Variants in PCDHA2 observed in about 807,000 individuals in gnomAD.
The protein encoded by PCDHA2 is protocadherin alpha-2.
Under a neutral mutation model 66.0 loss-of-function variants are expected in PCDHA2, and 58 were observed. That is an observed-to-expected ratio of 0.88 (90% confidence interval 0.71 to 1.09). The LOEUF is 1.09. Among genes scored for constraint, PCDHA2 ranks in the 50% least tolerant of loss-of-function variants. The probability of loss-of-function intolerance (pLI) is 0.00; values close to 1 mark genes in which losing one functional copy is unlikely to be tolerated. For missense variants in PCDHA2, 1,267 were observed against 1,242.3 expected (o/e 1.02, Z -0.30); for synonymous variants, 634 against 554.0 (o/e 1.14, Z -2.03).
At chr5:141,009,529 T>G in intron 3 of PCDHA2, 98 bp from the exon 4 acceptor site, 1 of 1,505,630 alleles carries the variant, frequency 6.6e-7, no homozygotes, top group Non-Finnish European at 8.9e-7. Context: ...TCTGGGGAGG[T>G]TCAGCCTGCC....
In PCDHA2 at chr5:140,863,500, T is replaced by C. The variant is rs536977258; in HGVS notation, c.2388+66148T>C. On this transcript the variant is annotated intron_variant, in intron 1 of 3. Coordinates refer to ENST00000526136, the MANE Select transcript of PCDHA2 (RefSeq NM_018905.3). ...CCTCCCAAGGTCAACATTACGGCTT[T>C]TAGTCCTAGTGTTCTCCCATGGTTC... 36 of 432,458 alleles carry C rather than the reference T, an allele frequency of 8.3e-5. 2 individuals are homozygous for C. Among genetic ancestry groups the C allele is most frequent in the South Asian group, 5.0e-4 (28 of 55,804 alleles). 26.8% of individuals were successfully genotyped at this position (432,458 alleles called of 1,614,324 possible).
rs2150409803 is a variant in PCDHA2, at chr5:140,848,387, C to G, written c.2388+51035C>G. The G allele has an allele frequency of 1.0e-3, 1,245 of 1,223,718 alleles. 70 individuals are homozygous for G. In the African/African-American group the frequency reaches 0.017, roughly 16 times the overall value. 75.8% of individuals were successfully genotyped at this position (1,223,718 alleles called of 1,614,324 possible). On this transcript the variant is annotated intron_variant, in intron 1 of 3. Coordinates refer to ENST00000526136, the MANE Select transcript of PCDHA2 (RefSeq NM_018905.3). The stretch of plus-strand genomic sequence containing the variant: ...AAGAGGCTCAATTCTTTTTCACTCT[C>G]TCTGTGCTGAACGATGGCGAACACA...
intron 3 of PCDHA2, among the ~76,000 whole-genome samples, chr5:141,005,934 G>A (rs556608068): frequency 3.4e-4 from 52 of 151,912 alleles, no homozygotes; most frequent in Non-Finnish European, 7.2e-4. Context: ...TTGACAGAGT[G>A]AGAACCTATC....
Position 140,885,793 on chromosome 5 carries a change from A to G in PCDHA2, c.2388+88441A>G, listed in dbSNP as rs541928241. On this transcript the variant is annotated intron_variant, in intron 1 of 3. Coordinates refer to ENST00000526136, the MANE Select transcript of PCDHA2 (RefSeq NM_018905.3). ...TATTAGTGAATTTGAGCATATTGTCATATGTATTTTGTTGATTTGTATTTG... is the reference window on the plus strand; with the variant it reads ...TATTAGTGAATTTGAGCATATTGTCGTATGTATTTTGTTGATTTGTATTTG... Among the ~76,000 whole-genome samples the G allele has an allele frequency of 2.0e-5, 3 of 152,162 alleles. No homozygotes were observed. The South Asian group carries it at 6.2e-4, about 32-fold the overall frequency.
At chr5:140,807,682 C>G (rs782331104) in intron 1 of PCDHA2, 5 of 1,614,224 alleles carry the variant, frequency 3.1e-6, no homozygotes, top group Non-Finnish European at 4.2e-6. Flanking sequence ...TCGGGGAGAA[C>G]GCCCTGCTCA....
intron 1 of PCDHA2, chr5:140,869,562 A>C: frequency 2.5e-6 from 4 of 1,614,168 alleles, no homozygotes. Flanking sequence ...CGCGTTTTCC[A>C]CTAGAGGGAG....
intron 3 of PCDHA2, among the ~76,000 whole-genome samples, chr5:140,995,391 G>A (rs2097681152): frequency 1.3e-5 from 2 of 152,170 alleles, no homozygotes; most frequent in African/African-American, 2.4e-5. Context: ...AGGATAAAGC[G>A]GGATGGCTCG....
intron 1 of PCDHA2, chr5:140,804,812 C>A (rs1763464693): frequency 3.1e-6 from 1 of 318,998 alleles, no homozygotes. Context: ...TAGTAACCAA[C>A]TGAAACCTGG....
intron 1 of PCDHA2, among the ~76,000 whole-genome samples, chr5:140,888,192 A>T (rs906159358): frequency 6.6e-6 from 1 of 152,120 alleles, no homozygotes; most frequent in Non-Finnish European, 1.5e-5. Context: ...TGAATTTTAC[A>T]TTGTCGGATG....
At chr5:140,938,849 T>C (rs961236945) in intron 1 of PCDHA2, among the ~76,000 whole-genome samples, 1 of 152,102 alleles carries the variant, frequency 6.6e-6, no homozygotes, top group Admixed American at 6.6e-5. Flanking sequence ...CCTGCCCATG[T>C]ACCCCTGAAC....
At chr5:140,926,789 G>C in intron 1 of PCDHA2, 1 of 1,432,318 alleles carries the variant, frequency 7.0e-7, no homozygotes, top group Non-Finnish European at 9.1e-7. Context: ...CGGCCGGCAG[G>C]AGCGTGCTCT....
rs1581613955 is a variant in PCDHA2, at chr5:140,795,371, C to T, written c.407C>T (p.Thr136Ile). Residue 136 changes from threonine (T) to isoleucine (I), a missense_variant, in exon 1 of 4, where the codon ACA becomes ATA. Physicochemically the swap from Thr to Ile is moderately conservative, Grantham distance 89. Transcript: ENST00000526136. ...INDNPPIFPM[T>I]VKTIRFPESR... ...GACAACCCGCCAATATTTCCAATGA[C>T]AGTAAAGACTATCCGGTTTCCCGAA... is the stretch of plus-strand genomic sequence containing the variant. 6 of 1,614,196 alleles carry T rather than the reference C, an allele frequency of 3.7e-6. No individual in the cohort carries two copies. Among genetic ancestry groups the T allele is most frequent in the Middle Eastern group, 1.6e-4 (1 of 6,062 alleles).
Position 140,982,836 on chromosome 5 carries a change from T to C in PCDHA2, c.2536+273T>C, listed in dbSNP as rs2097010696. 2.6e-5 allele frequency among the ~76,000 whole-genome samples: 4 copies of C among 152,244 alleles called. No individual in the cohort carries two copies. The South Asian group carries it at 8.3e-4, about 32-fold the overall frequency. ...ATGAAGTTTTTGGGGTTTGTTTGTT[T>C]GTTTAAATCAGGTACCTTTCAAATG... On this transcript the variant is annotated intron_variant, in intron 3 of 3. Coordinates refer to ENST00000526136, the MANE Select transcript of PCDHA2 (RefSeq NM_018905.3).
chr5:140,825,948 C>A (rs1289779373), intron 1 of PCDHA2: 2 of 152,214 alleles, frequency 1.3e-5, no homozygotes, highest in Non-Finnish European at 2.9e-5. Context: ...TAATGAGAAC[C>A]ATTTGTCTAC....
chr5:140,857,990 G>C lies in PCDHA2; in HGVS notation c.2388+60638G>C, dbSNP rs570220982. ...TGACTCGCCACGCCAGCGCCTACTG[G>C]TGCTGGTGAAGGACCATGGCGAGCC... On this transcript the variant is annotated intron_variant, in intron 1 of 3. Transcript: ENST00000526136. 3.7e-5 allele frequency: 59 copies of C among 1,597,202 alleles called. 9 individuals are homozygous for C. In the South Asian group the frequency reaches 5.7e-4, roughly 16 times the overall value.
At chr5:140,938,876 AAC>A (rs142461507) in intron 1 of PCDHA2, among the ~76,000 whole-genome samples, 10 of 151,120 alleles carry the variant, frequency 6.6e-5, no homozygotes, top group Non-Finnish European at 1.3e-4. Flanking sequence ...GTTAAGAAGC[AAC>A]ACACACACAC....
In PCDHA2 at chr5:140,863,325, AGT is replaced by A. The variant is rs1554158100; in HGVS notation, c.2388+65975_2388+65976del. 4 of 1,432,658 alleles carry A rather than the reference AGT, an allele frequency of 2.8e-6. No individual in the cohort carries two copies. In the African/African-American group the frequency reaches 5.7e-5, roughly 21 times the overall value. The allele number at this position is 1,432,658 out of a possible 1,614,324, so 88.7% of individuals were successfully genotyped here. On this transcript the variant is annotated intron_variant, in intron 1 of 3. Transcript: ENST00000526136. ...CCATCTGCGTGGTGTCCAGCCTGTT[AGT>A]GCTCACGTTGCTGCTGTACACGACG...
At chr5:140,884,310 GGGCGTC>G (rs1301213144) in intron 1 of PCDHA2, 7 of 1,613,674 alleles carry the variant, frequency 4.3e-6, no homozygotes, top group Non-Finnish European at 5.9e-6. Flanking sequence ...GCTTCGTCGA[GGGCGTC>G]GGCAGGCGCT....
chr5:140,837,661 T>C (rs1775184635), intron 1 of PCDHA2, among the ~76,000 whole-genome samples: 1 of 151,786 alleles, frequency 6.6e-6, no homozygotes, highest in East Asian at 1.9e-4. Flanking sequence ...TCCTTTTTCT[T>C]TCATTCTTTT....
Sources: allele counts gnomAD v4.1 joint callset (sites outside exome capture counted in the v4.1 genomes callset), GRCh38; gene constraint gnomAD v4.1.1; transcripts MANE v1.5; gene names NCBI Gene and HGNC (gene_info 2026-07-23, HGNC 2026-07-21).